The following PRH1 variants were observed in gnomAD, a reference collection of about 807,000 sequenced individuals.
PRH1 encodes proline rich protein HaeIII subfamily 1.
In PRH1, 7 loss-of-function variants were observed where a neutral mutation model predicts 7.9. The observed-to-expected ratio is 0.89, with a 90% CI of 0.50 to 1.67. The LOEUF is 1.67. PRH1 is among the 40% of genes most tolerant of loss of function. PRH1 has a pLI of 0.00. For synonymous variants in PRH1, 45 were observed against 80.8 expected (o/e 0.56, Z 2.38); for missense variants, 109 against 223.6 (o/e 0.49, Z 3.27).
At chr12:11,046,829 T>C (rs1942916956) in intron 1 of PRH1, among the ~76,000 whole-genome samples, 1 of 152,208 alleles carries the variant, frequency 6.6e-6, no homozygotes, top group South Asian at 2.1e-4. Context: ...TAGAATACAT[T>C]GACAGTCATT....
At chr12:11,136,803 G>A (rs542988944) in intron 1 of PRH1, among the ~76,000 whole-genome samples, 1 of 152,216 alleles carries the variant, frequency 6.6e-6, no homozygotes, top group African/African-American at 2.4e-5. Context: ...GCTGGGGCAG[G>A]AGCACCCAGG....
At chr12:11,018,190 C>A (rs1179223142) in intron 1 of PRH1, among the ~76,000 whole-genome samples, 1 of 152,170 alleles carries the variant, frequency 6.6e-6, no homozygotes, top group Non-Finnish European at 1.5e-5. Context: ...GAGGAGAAAG[C>A]AAACCCCTAG....
At chr12:10,887,877 C>T (rs1949516928), upstream of PRH1, among the ~76,000 whole-genome samples, 1 of 152,110 alleles carries the variant, frequency 6.6e-6, no homozygotes, top group African/African-American at 2.4e-5. Context: ...TGTTCATTAG[C>T]CATGAGTATC....
chr12:11,126,294 A>T (rs1273458476), intron 1 of PRH1, among the ~76,000 whole-genome samples: 3 of 152,234 alleles, frequency 2.0e-5, no homozygotes, highest in Non-Finnish European at 4.4e-5. Context: ...TTTCGACAAC[A>T]ATGTAATAAA....
At chr12:10,930,247 T>C (rs1394169960) in intron 2 of PRH1, 1 of 1,611,900 alleles carries the variant, frequency 6.2e-7, no homozygotes, top group Non-Finnish European at 8.5e-7. Flanking sequence ...ACTTTTCCCA[T>C]CATCCTGTAC....
intron 1 of PRH1, among the ~76,000 whole-genome samples, chr12:11,110,939 C>CATAAAGGGATGGAGGA (rs1249638296): frequency 6.6e-6 from 1 of 151,966 alleles, no homozygotes; most frequent in Non-Finnish European, 1.5e-5. Context: ...ATAGTCTCAA[C>CATAAAGGGATGGAGGA]ATAAAGGGAT....
intron 2 of PRH1, among the ~76,000 whole-genome samples, chr12:10,950,187 G>C (rs1950547739): frequency 6.6e-6 from 1 of 151,978 alleles, no homozygotes. Flanking sequence ...TTCTCAACTT[G>C]AGCTATTAAA....
upstream of PRH1, among the ~76,000 whole-genome samples, chr12:10,886,105 T>G (rs957861339): frequency 1.1e-4 from 17 of 152,224 alleles, no homozygotes; most frequent in South Asian, 4.1e-4. Flanking sequence ...CTGGGCCGTA[T>G]GAGTTGTATC....
At chr12:11,009,349 G>A (rs12366595) in intron 1 of PRH1, among the ~76,000 whole-genome samples, 31,967 of 151,656 alleles carry the variant, frequency 0.21, 3,972 homozygotes, top group Non-Finnish European at 0.27. Flanking sequence ...GGTCTTTGAT[G>A]TCCTGTGTCA....
intron 1 of PRH1, among the ~76,000 whole-genome samples, chr12:11,114,754 G>A (rs997773036): frequency 3.3e-5 from 5 of 152,070 alleles, no homozygotes; most frequent in African/African-American, 1.2e-4. Context: ...TGGAGTTAAG[G>A]TGCAGAGTCT....
intron 1 of PRH1, among the ~76,000 whole-genome samples, chr12:11,098,779 A>G (rs1945140146): frequency 6.6e-6 from 1 of 152,204 alleles, no homozygotes; most frequent in South Asian, 2.1e-4. Flanking sequence ...GGTTGCTGCT[A>G]ATACTTTTGT....
chr12:10,896,495 C>T (rs542784412), intron 2 of PRH1, among the ~76,000 whole-genome samples: 85 of 152,216 alleles, frequency 5.6e-4, no homozygotes, highest in Non-Finnish European at 9.1e-4. Context: ...GGCACGGTGG[C>T]TCACGCCTGT....
rs1375043462 is a variant in PRH1, at chr12:11,092,756, C to A, written n.124-45568G>T. Reference sequence around the variant, plus strand: ...TCAGGAAGTATAGCTGGCTTCATCTCTCAATCTAATAAAACTGGGTGTGAT... The same window carrying A: ...TCAGGAAGTATAGCTGGCTTCATCTATCAATCTAATAAAACTGGGTGTGAT... On this transcript the variant is annotated intron_variant and non_coding_transcript_variant, in intron 1 of 4. Coordinates refer to the PRH1 transcript ENST00000541977. Among the ~76,000 whole-genome samples the A allele has an allele frequency of 6.0e-5, 7 of 115,780 alleles. 2 individuals are homozygous for A. The highest frequency in any genetic ancestry group is 1.7e-4 in the Admixed American group (2 of 11,546). 76.0% of individuals were successfully genotyped at this position (115,780 alleles called of 152,430 possible).
At chr12:11,149,348 T>C (rs574317049) in intron 1 of PRH1, among the ~76,000 whole-genome samples, 1 of 152,338 alleles carries the variant, frequency 6.6e-6, no homozygotes, top group East Asian at 1.9e-4. Context: ...GTGTTTGCTC[T>C]TGCTTTCGCC....
chr12:11,011,532 T>C (rs1591808312), intron 1 of PRH1, among the ~76,000 whole-genome samples: 2 of 152,286 alleles, frequency 1.3e-5, no homozygotes, highest in Non-Finnish European at 2.9e-5. Context: ...TATTTTTCCT[T>C]GTTTAACCTC....
In PRH1 at chr12:11,088,589, A is replaced by G. The variant is rs866834686; in HGVS notation, n.124-41401T>C. ...ATGTTGCTCTCTCTATAAATTTCCT[A>G]TCACTACAAAAGAGACCCAGTATTT... is the stretch of plus-strand genomic sequence containing the variant. On this transcript the variant is annotated intron_variant and non_coding_transcript_variant, in intron 1 of 4. Coordinates refer to the PRH1 transcript ENST00000541977. 2.0e-4 allele frequency among the ~76,000 whole-genome samples: 22 copies of G among 112,190 alleles called. 6 individuals carry two copies. Among genetic ancestry groups the G allele is most frequent in the Middle Eastern group, 4.0e-3 (1 of 250 alleles). 73.6% of individuals were successfully genotyped at this position (112,190 alleles called of 152,430 possible).
intron 2 of PRH1, among the ~76,000 whole-genome samples, chr12:10,925,570 T>TA (rs1950112362): frequency 6.6e-6 from 1 of 152,196 alleles, no homozygotes; most frequent in African/African-American, 2.4e-5. Flanking sequence ...AAAAAACGAA[T>TA]AAATTTGTAT....
rs148605685 is a variant in PRH1, at chr12:11,059,002, A to T, written n.124-11814T>A. On this transcript the variant is annotated intron_variant and non_coding_transcript_variant, in intron 1 of 4. Transcript: ENST00000541977. ...TCCTTCCATTTGGGACTTGAATGGAACACCACACTGTGGGCATGAGGTCTG... is the reference window on the plus strand; with the variant it reads ...TCCTTCCATTTGGGACTTGAATGGATCACCACACTGTGGGCATGAGGTCTG... Among the ~76,000 whole-genome samples the T allele has an allele frequency of 3.2e-3, 485 of 152,272 alleles. 18 individuals are homozygous for T. In the East Asian group the frequency reaches 0.083, roughly 26 times the overall value.
chr12:11,069,132 G>A (rs1450724948), intron 1 of PRH1, among the ~76,000 whole-genome samples: 2 of 148,786 alleles, frequency 1.3e-5, no homozygotes, highest in South Asian at 4.2e-4. Flanking sequence ...TTCCTAGGTT[G>A]GTCTCCAATA....
Sources: gnomAD v4.1 joint callset for allele counts (sites outside exome capture counted in the v4.1 genomes callset) on GRCh38, gnomAD v4.1.1 for gene constraint, MANE v1.5 for transcripts, NCBI Gene and HGNC (gene_info 2026-07-23, HGNC 2026-07-21) for gene names.